Variants in NLGN4Y observed in about 807,000 individuals in gnomAD.
NLGN4Y encodes neuroligin-4, Y-linked.
Under a neutral mutation model 8.4 loss-of-function variants are expected in NLGN4Y, and 4 were observed. The observed-to-expected ratio is 0.48, with a 90% CI of 0.23 to 1.09. The LOEUF (loss-of-function observed/expected upper bound fraction) is 1.09, where lower values mean the gene tolerates loss of function less well. Ranked by LOEUF, NLGN4Y falls within the 50% of genes least tolerant of loss-of-function variation. The pLI is 0.19. For synonymous variants in NLGN4Y, 35 were observed against 75.6 expected (o/e 0.46, Z 2.78); for missense variants, 90 against 192.3 (o/e 0.47, Z 3.15).
intron 2 of NLGN4Y, among the ~76,000 whole-genome samples, chrY:14,636,319 A>T (rs2080565487): frequency 3.0e-5 from 1 of 33,515 alleles, no homozygotes; most frequent in Admixed American, 2.8e-4. Context: ...ACTTTTTATC[A>T]CCTGTTGTTT....
chrY:14,705,530 T>C (rs768304790), intron 2 of NLGN4Y, among the ~76,000 whole-genome samples: 1 of 33,675 alleles, frequency 3.0e-5, no homozygotes, highest in East Asian at 8.0e-4. Flanking sequence ...TACTGAATTA[T>C]AGTGTTTCCA....
chrY:14,611,389 TTC>T (rs2080467651), intron 1 of NLGN4Y, among the ~76,000 whole-genome samples: 35 of 23,068 alleles, frequency 1.5e-3, no homozygotes, highest in African/African-American at 0.013. Flanking sequence ...CTTTTTTTTT[TTC>T]TTTTTTTTTT....
intron 1 of NLGN4Y, among the ~76,000 whole-genome samples, chrY:14,538,151 A>C: frequency 3.0e-5 from 1 of 33,623 alleles, no homozygotes; most frequent in Admixed American, 2.7e-4. Context: ...TGAAAAATAG[A>C]ATTACAGATT....
chrY:14,679,977 G>A, intron 2 of NLGN4Y, among the ~76,000 whole-genome samples: 1 of 33,234 alleles, frequency 3.0e-5, no homozygotes. Flanking sequence ...CTTTGGATTC[G>A]GAATGTCAGG....
intron 1 of NLGN4Y, among the ~76,000 whole-genome samples, chrY:14,552,048 G>A (rs2080194926): frequency 3.0e-5 from 1 of 33,326 alleles, no homozygotes; most frequent in Admixed American, 2.8e-4. Context: ...TACTAAAGAA[G>A]AAATTCAGAA....
intron 4 of NLGN4Y, among the ~76,000 whole-genome samples, chrY:14,777,967 G>T (rs770893921): frequency 8.2e-3 from 249 of 30,490 alleles, no homozygotes; most frequent in African/African-American, 0.03. Flanking sequence ...TGGAGTTGGA[G>T]GTTGCAGTGA....
intron 1 of NLGN4Y, among the ~76,000 whole-genome samples, chrY:14,572,550 C>T: frequency 3.0e-5 from 1 of 32,934 alleles, no homozygotes; most frequent in African/African-American, 1.2e-4. Flanking sequence ...CAAACAGGAA[C>T]AATTTAACTT....
chrY:14,777,214 G>A, intron 4 of NLGN4Y, among the ~76,000 whole-genome samples: 1 of 33,840 alleles, frequency 3.0e-5, no homozygotes, highest in Non-Finnish European at 7.4e-5. Context: ...TCTCATTGGT[G>A]ATAGCTATGT....
intron 1 of NLGN4Y, among the ~76,000 whole-genome samples, chrY:14,549,822 G>C: frequency 3.0e-5 from 1 of 32,863 alleles, no homozygotes. Context: ...CTGGCCTCTG[G>C]GGGTAGGAAG....
chrY:14,564,640 A>G (rs2080244955), intron 1 of NLGN4Y, among the ~76,000 whole-genome samples: 1 of 33,778 alleles, frequency 3.0e-5, no homozygotes, highest in Non-Finnish European at 7.3e-5. Context: ...GCCAACTTAA[A>G]TGTCCCTGTC....
chrY:14,651,635 CT>C (rs2080630297), intron 2 of NLGN4Y, among the ~76,000 whole-genome samples: 1 of 32,836 alleles, frequency 3.0e-5, no homozygotes, highest in Non-Finnish European at 7.5e-5. Flanking sequence ...TCTCTCTTTC[CT>C]TTTAATACTT....
At chrY:14,748,707 C>T (rs1239217100) in intron 4 of NLGN4Y, 1 of 185,007 alleles carries the variant, frequency 5.4e-6, no homozygotes, top group Non-Finnish European at 1.0e-5. Flanking sequence ...CATACCCTTT[C>T]AGAAATGAGG....
chrY:14,779,434 A>G, intron 4 of NLGN4Y, among the ~76,000 whole-genome samples: 1 of 32,895 alleles, frequency 3.0e-5, no homozygotes, highest in Non-Finnish European at 7.4e-5. Flanking sequence ...AAGCATTACA[A>G]ATTAAAATAT....
At chrY:14,766,600 T>C (rs2081094067) in intron 4 of NLGN4Y, among the ~76,000 whole-genome samples, 1 of 33,293 alleles carries the variant, frequency 3.0e-5, no homozygotes, top group East Asian at 7.8e-4. Flanking sequence ...TCCTGTTACG[T>C]TCTGCTATTT....
At chrY:14,725,770 G>A in intron 4 of NLGN4Y, among the ~76,000 whole-genome samples, 2 of 33,404 alleles carry the variant, frequency 6.0e-5, no homozygotes, top group South Asian at 6.8e-4. Context: ...CTTCTCTTTA[G>A]AACATATCTG....
chrY:14,637,878 G>T (rs2080572833), intron 2 of NLGN4Y, among the ~76,000 whole-genome samples: 1 of 27,456 alleles, frequency 3.6e-5, no homozygotes, highest in African/African-American at 1.4e-4. Context: ...GTGTGTGTGT[G>T]TGTGTGGTGA....
upstream of NLGN4Y, chrY:14,524,255 G>T: frequency 1.2e-5 from 1 of 80,006 alleles, no homozygotes; most frequent in South Asian, 6.7e-5. Flanking sequence ...TCGGAGGAGT[G>T]TTAAGCCTGC....
intron 2 of NLGN4Y, among the ~76,000 whole-genome samples, chrY:14,687,986 C>A: frequency 3.1e-5 from 1 of 32,723 alleles, no homozygotes; most frequent in Non-Finnish European, 7.5e-5. Context: ...GGAGAAGTGG[C>A]TCGGTTTTTT....
At chrY:14,724,645 T>C (rs2080949330) in intron 4 of NLGN4Y, among the ~76,000 whole-genome samples, 1 of 31,622 alleles carries the variant, frequency 3.2e-5, no homozygotes, top group African/African-American at 1.2e-4. Flanking sequence ...TTTTCTCTTT[T>C]TTTTGGGGGA....
Sources: gnomAD v4.1 joint callset for allele counts (sites outside exome capture counted in the v4.1 genomes callset) on GRCh38, gnomAD v4.1.1 for gene constraint, MANE v1.5 for transcripts, NCBI Gene and HGNC (gene_info 2026-07-23, HGNC 2026-07-21) for gene names.